The following CEP192 variants were observed in gnomAD, a reference collection of about 807,000 sequenced individuals.
CEP192 encodes the protein centrosomal protein of 192 kDa.
Under a neutral mutation model 271.8 loss-of-function variants are expected in CEP192, and 151 were observed. The observed-to-expected ratio is 0.56, with a 90% confidence interval of 0.49 to 0.64. CEP192 has a LOEUF of 0.64. Among genes scored for constraint, CEP192 ranks in the 30% least tolerant of loss-of-function variants. The pLI is 0.00. For synonymous variants in CEP192, 995 were observed against 1,076.5 expected, an observed-to-expected ratio of 0.92 and a Z score of 1.48; for missense variants, 2,910 against 3,020.5, an observed-to-expected ratio of 0.96 and a Z score of 0.86.
chr18:13,012,609 G>C (rs917637005), intron 4 of CEP192, among the ~76,000 whole-genome samples: 1 of 152,170 alleles, frequency 6.6e-6, no homozygotes, highest in Non-Finnish European at 1.5e-5. Context: ...TCGTGTGTCA[G>C]TGCCTTGTTG....
intron 24 of CEP192, 52 bp from the exon 25 acceptor site, chr18:13,068,800 A>T: frequency 1.4e-5 from 22 of 1,605,200 alleles, no homozygotes; most frequent in Non-Finnish European, 1.8e-5. Flanking sequence ...GATGGCATTT[A>T]GAATTAAATA....
intron 1 of CEP192, among the ~76,000 whole-genome samples, chr18:12,994,883 G>A (rs2033114409): frequency 6.6e-6 from 1 of 152,064 alleles, no homozygotes; most frequent in Non-Finnish European, 1.5e-5. Context: ...CCTAACATAT[G>A]AGGAGCAAAT....
chr18:12,992,987 A>G lies in CEP192; in HGVS notation c.-5+1550A>G, dbSNP rs2032970114. Among the ~76,000 whole-genome samples the G allele has an allele frequency of 2.0e-5, 3 of 152,342 alleles. No individual in the cohort carries two copies. The South Asian group carries it at 6.2e-4, about 32-fold the overall frequency. ...TTTTCTATAAATTTTAATAGTTTAC[A>G]TGTCTGTATATGAATGAATAACTTA... On this transcript the variant is annotated intron_variant, in intron 1 of 44. Coordinates refer to ENST00000506447, the MANE Select transcript of CEP192 (RefSeq NM_032142.4).
intron 4 of CEP192, among the ~76,000 whole-genome samples, chr18:13,008,978 G>A (rs1435315536): frequency 1.3e-5 from 2 of 150,340 alleles, no homozygotes; most frequent in East Asian, 1.9e-4. Context: ...CAGAATGCTG[G>A]GATTATGGGC....
At chr18:13,104,456 G>C (rs929669897) in intron 39 of CEP192, among the ~76,000 whole-genome samples, 2 of 152,062 alleles carry the variant, frequency 1.3e-5, no homozygotes, top group Non-Finnish European at 2.9e-5. Flanking sequence ...ACCAAAATGT[G>C]TACAAAAAAG....
intron 3 of CEP192, 22 bp from the exon 4 acceptor site, chr18:13,008,434 C>T: frequency 6.8e-7 from 1 of 1,467,568 alleles, no homozygotes; most frequent in Admixed American, 2.1e-5. Context: ...TTTTATCATT[C>T]TTCTGTTTCC....
intron 18 of CEP192, among the ~76,000 whole-genome samples, chr18:13,055,407 G>T (rs910015379): frequency 2.0e-5 from 3 of 152,122 alleles, no homozygotes; most frequent in African/African-American, 7.2e-5. Context: ...ACCGTTTCAA[G>T]CTTGCTCAGC....
chr18:12,995,157 A>G (rs1051633930), intron 1 of CEP192, among the ~76,000 whole-genome samples: 16 of 142,686 alleles, frequency 1.1e-4, no homozygotes, highest in Non-Finnish European at 1.8e-4. Flanking sequence ...TGCCTCCCGG[A>G]TTCACGCCAT....
At chr18:12,995,257 G>A (rs958117087) in intron 1 of CEP192, among the ~76,000 whole-genome samples, 2 of 151,878 alleles carry the variant, frequency 1.3e-5, no homozygotes, top group Admixed American at 6.6e-5. Context: ...GTAGAGACGG[G>A]GTTTCACCGT....
At chr18:13,107,309 A>G (rs2039999514) in intron 40 of CEP192, among the ~76,000 whole-genome samples, 1 of 152,212 alleles carries the variant, frequency 6.6e-6, no homozygotes, top group Non-Finnish European at 1.5e-5. Context: ...CAGGCTGAGC[A>G]ATACAGTGAG....
rs998299037 is a variant in CEP192, at chr18:12,999,652, G to A, written c.164+64G>A. On this transcript the variant is annotated intron_variant, in intron 2 of 44. Transcript: ENST00000506447. ...AAGCCTATAGCATGCTGATATTTAT[G>A]TTCTGTTTCTCAGTCAAGCTTGAGC... 3.3e-6 allele frequency: 4 copies of A among 1,200,606 alleles called. No individual in the cohort carries two copies. The African/African-American group carries it at 4.7e-5, about 14-fold the overall frequency. 74.4% of individuals were successfully genotyped at this position (1,200,606 alleles called of 1,614,324 possible).
intron 10 of CEP192, 120 bp from the exon 11 acceptor site, chr18:13,030,345 G>C: frequency 1.2e-6 from 1 of 839,224 alleles, no homozygotes; most frequent in Non-Finnish European, 1.8e-6. Flanking sequence ...AACTAGCTTT[G>C]GCAAACTTCA....
intron 3 of CEP192, among the ~76,000 whole-genome samples, chr18:13,006,382 A>G (rs567552192): frequency 1.4e-4 from 22 of 151,948 alleles, no homozygotes; most frequent in Non-Finnish European, 2.6e-4. Context: ...CCAAACGTGG[A>G]TGGAAAATAC....
At chr18:13,118,468 TC>T (rs2145135508) in intron 44 of CEP192, among the ~76,000 whole-genome samples, 1 of 152,308 alleles carries the variant, frequency 6.6e-6, no homozygotes, top group South Asian at 2.1e-4. Flanking sequence ...TGAGGACTGT[TC>T]CTTCCACCTT....
chr18:13,068,015 C>A, intron 22 of CEP192, 59 bp downstream of exon 22: 1 of 1,601,898 alleles, frequency 6.2e-7, no homozygotes, highest in Non-Finnish European at 8.5e-7. Context: ...TATGAAAGTA[C>A]ATTTTTTTAA....
chr18:13,030,833 G>A (rs1043344554), intron 11 of CEP192, among the ~76,000 whole-genome samples: 5 of 152,252 alleles, frequency 3.3e-5, no homozygotes, highest in Admixed American at 6.5e-5. Flanking sequence ...AGTGAGAATA[G>A]CATTTGTATA....
chr18:13,119,350 G>A (rs116768401), intron 44 of CEP192, among the ~76,000 whole-genome samples: 1 of 152,176 alleles, frequency 6.6e-6, no homozygotes, highest in Non-Finnish European at 1.5e-5. Flanking sequence ...TAAACATGCA[G>A]TGGATCAATG....
chr18:13,100,353 T>C lies in CEP192; in HGVS notation c.6712T>C (p.Leu2238=). The C allele has an allele frequency of 1.2e-6, 2 of 1,614,168 alleles. No individual in the cohort carries two copies. Among genetic ancestry groups the C allele is most frequent in the Non-Finnish European group, 1.7e-6 (2 of 1,180,012 alleles). Residue 2238 remains leucine (L), a synonymous_variant, in exon 38 of 45, where the codon TTA becomes CTA. Transcript: ENST00000506447. ...IREDLTQVEL[L]TRLTSKPFGI... Reference sequence around the variant, plus strand: ...AGAAGATTTAACTCAAGTGGAACTTTTAACTCGTTTGACCTCCAAACCATT... The same window carrying C: ...AGAAGATTTAACTCAAGTGGAACTTCTAACTCGTTTGACCTCCAAACCATT...
chr18:13,077,415 C>G (rs1482007522), intron 30 of CEP192, among the ~76,000 whole-genome samples: 2 of 152,172 alleles, frequency 1.3e-5, no homozygotes, highest in Admixed American at 1.3e-4. Flanking sequence ...AAATCTAGAA[C>G]ACCTCTGGTC....
Sources: gnomAD v4.1 joint callset for allele counts (sites outside exome capture counted in the v4.1 genomes callset) on GRCh38, gnomAD v4.1.1 for gene constraint, MANE v1.5 for transcripts, NCBI Gene and HGNC (gene_info 2026-07-23, HGNC 2026-07-21) for gene names.